ZDHHC14: variants seen among roughly 807,000 people sequenced by gnomAD.
ZDHHC14 encodes the protein zDHHC palmitoyltransferase 14, also known as palmitoyltransferase ZDHHC14.
In ZDHHC14, 16 loss-of-function variants were observed where a neutral mutation model predicts 47.7. That is an observed-to-expected ratio of 0.34 (90% CI 0.23 to 0.51). The LOEUF (loss-of-function observed/expected upper bound fraction) is 0.51. Among genes scored for constraint, ZDHHC14 ranks in the 20% least tolerant of loss-of-function variants. The pLI is 0.97. For synonymous variants in ZDHHC14, 293 were observed against 278.9 expected, an observed-to-expected ratio of 1.05 and a Z score of -0.50; for missense variants, 515 against 662.5, an observed-to-expected ratio of 0.78 and a Z score of 2.44.
At chr6:157,628,174 C>G (rs1785513342) in intron 3 of ZDHHC14, among the ~76,000 whole-genome samples, 175 bp from the exon 4 acceptor site, 1 of 139,682 alleles carries the variant, frequency 7.2e-6, no homozygotes. Flanking sequence ...TGACGATGTC[C>G]TTGAACTGTC....
chr6:157,466,066 G>T (rs534933265), intron 1 of ZDHHC14, among the ~76,000 whole-genome samples: 8 of 152,104 alleles, frequency 5.3e-5, no homozygotes, highest in East Asian at 1.9e-4. Flanking sequence ...GAGAGAGAGA[G>T]ATATGGGAAG....
intron 1 of ZDHHC14, among the ~76,000 whole-genome samples, chr6:157,534,491 T>G (rs1049009008): frequency 2.0e-5 from 3 of 151,876 alleles, no homozygotes; most frequent in African/African-American, 7.3e-5. Context: ...TTCCCTCCCA[T>G]GATTCACATG....
chr6:157,664,804 A>C (rs893516220), intron 8 of ZDHHC14, among the ~76,000 whole-genome samples: 11 of 152,078 alleles, frequency 7.2e-5, no homozygotes, highest in Non-Finnish European at 1.3e-4. Context: ...GCTATCTTAT[A>C]AGCCTTGGGG....
chr6:157,561,800 A>G (rs986678462), intron 2 of ZDHHC14, among the ~76,000 whole-genome samples: 1 of 152,142 alleles, frequency 6.6e-6, no homozygotes, highest in African/African-American at 2.4e-5. Context: ...CTGGGATTAT[A>G]GGTGTGCACC....
At chr6:157,482,893 C>T (rs1465761268) in intron 1 of ZDHHC14, among the ~76,000 whole-genome samples, 1 of 152,104 alleles carries the variant, frequency 6.6e-6, no homozygotes, top group East Asian at 1.9e-4. Flanking sequence ...CAGGCATGCT[C>T]CACCAAGCCT....
At chr6:157,484,316 C>T (rs1468242803) in intron 1 of ZDHHC14, among the ~76,000 whole-genome samples, 2 of 110,684 alleles carry the variant, frequency 1.8e-5, no homozygotes, top group African/African-American at 3.1e-5. Flanking sequence ...CATATATATA[C>T]ACATATATAT....
At chr6:157,627,958 C>T (rs1222891103) in intron 3 of ZDHHC14, among the ~76,000 whole-genome samples, 1 of 152,196 alleles carries the variant, frequency 6.6e-6, no homozygotes, top group Non-Finnish European at 1.5e-5. Context: ...GACATCCAGC[C>T]CCAGCCCAGA....
At position 157,609,878 on chromosome 6, in the gene ZDHHC14, GC is replaced by G. The variant is rs372633445; in HGVS notation, c.565+16734del. Among the ~76,000 whole-genome samples, 69 of 152,366 alleles carry G rather than the reference GC, an allele frequency of 4.5e-4. 1 individual carries two copies. The South Asian group carries it at 0.013, about 30-fold the overall frequency. On this transcript the variant is annotated intron_variant, in intron 3 of 8. Transcript: ENST00000359775. Reference sequence around the variant, plus strand: ...GCAGTGGGACCCAGAGGCAGATCCAGCCTGGATCAGGGTCTGCTCACCCAGG... The same window carrying G: ...GCAGTGGGACCCAGAGGCAGATCCAGCTGGATCAGGGTCTGCTCACCCAGG...
At chr6:157,403,015 A>G (rs1330010509) in intron 1 of ZDHHC14, among the ~76,000 whole-genome samples, 3 of 152,244 alleles carry the variant, frequency 2.0e-5, no homozygotes, top group Non-Finnish European at 4.4e-5. Flanking sequence ...GATTACAGGC[A>G]TGAGCCACCA....
At chr6:157,521,934 C>T (rs1180639717) in intron 1 of ZDHHC14, among the ~76,000 whole-genome samples, 1 of 152,216 alleles carries the variant, frequency 6.6e-6, no homozygotes, top group East Asian at 1.9e-4. Flanking sequence ...TGCTTAGAAA[C>T]TCGAAGGCCA....
At chr6:157,601,979 A>AGAT (rs946390672) in intron 3 of ZDHHC14, among the ~76,000 whole-genome samples, 1 of 149,448 alleles carries the variant, frequency 6.7e-6, no homozygotes, top group Non-Finnish European at 1.5e-5. Flanking sequence ...CGAGGCGGGC[A>AGAT]GATCACAAGG....
intron 7 of ZDHHC14, among the ~76,000 whole-genome samples, chr6:157,651,571 CTCCT>C (rs1777838686): frequency 6.5e-5 from 1 of 15,374 alleles, no homozygotes; most frequent in African/African-American, 3.3e-4. Flanking sequence ...CCCTCAAGAC[CTCCT>C]TTTTTTTTTT....
At chr6:157,480,371 G>A (rs543478) in intron 1 of ZDHHC14, among the ~76,000 whole-genome samples, 35,813 of 149,138 alleles carry the variant, frequency 0.24, 4,630 homozygotes, top group East Asian at 0.43. Flanking sequence ...GAGTTCAAGC[G>A]ATTCTCCTGC....
intron 3 of ZDHHC14, among the ~76,000 whole-genome samples, chr6:157,612,022 A>G (rs1784768439): frequency 6.6e-6 from 1 of 150,746 alleles, no homozygotes; most frequent in South Asian, 2.1e-4. Flanking sequence ...AGCACCCCAA[A>G]TCATCTTTCC....
intron 4 of ZDHHC14, chr6:157,632,425 G>A (rs780705743): frequency 3.3e-5 from 6 of 179,912 alleles, no homozygotes; most frequent in Non-Finnish European, 5.9e-5. Flanking sequence ...TGTAGAAAAA[G>A]AATTCTTTTA....
At position 157,618,560 on chromosome 6, in the gene ZDHHC14, G is replaced by A. The variant is rs146233363; in HGVS notation, c.566-9789G>A. On this transcript the variant is annotated intron_variant, in intron 3 of 8. Coordinates refer to ENST00000359775, the MANE Select transcript of ZDHHC14 (RefSeq NM_024630.3). ...TGGTCTCGAACTCCTGACCTCAAAT[G>A]ATCCACCCACCTCGGCCTCCCAAAG... 3.5e-3 allele frequency among the ~76,000 whole-genome samples: 525 copies of A among 152,156 alleles called. 1 individual carries two copies. Among genetic ancestry groups the A allele is most frequent in the Non-Finnish European group, 5.6e-3 (383 of 68,012 alleles).
At chr6:157,476,797 AC>A (rs1404704699) in intron 1 of ZDHHC14, among the ~76,000 whole-genome samples, 2 of 152,144 alleles carry the variant, frequency 1.3e-5, no homozygotes, top group Admixed American at 1.3e-4. Context: ...AGAATAAAGG[AC>A]AAAAATCATC....
rs1784547324 is a variant in ZDHHC14 at position 157,606,585 on chromosome 6, T to C, written c.565+13439T>C. ...CAACTTGGATGGAAACGTCCAGTGG[T>C]CCGCCCCATGGCCTCGAGAGAATGA... On this transcript the variant is annotated intron_variant, in intron 3 of 8. Coordinates refer to ENST00000359775, the MANE Select transcript of ZDHHC14 (RefSeq NM_024630.3). 3.3e-5 allele frequency among the ~76,000 whole-genome samples: 5 copies of C among 152,328 alleles called. No individual in the cohort carries two copies. The South Asian group carries it at 1.0e-3, about 32-fold the overall frequency.
At chr6:157,478,629 A>G (rs1446745050) in intron 1 of ZDHHC14, among the ~76,000 whole-genome samples, 1 of 152,168 alleles carries the variant, frequency 6.6e-6, no homozygotes, top group Non-Finnish European at 1.5e-5. Context: ...AGGGGTTCCA[A>G]GAAGGAATGA....
Sources: allele counts gnomAD v4.1 joint callset (sites outside exome capture counted in the v4.1 genomes callset), GRCh38; gene constraint gnomAD v4.1.1; transcripts MANE v1.5; gene names NCBI Gene and HGNC (gene_info 2026-07-23, HGNC 2026-07-21).